NR1H4: variants seen among roughly 807,000 people sequenced by gnomAD.
NR1H4 encodes the protein nuclear receptor subfamily 1 group H member 4.
A neutral mutation model predicts 58.5 loss-of-function variants in NR1H4; 23 were observed. That is an observed-to-expected ratio of 0.39 (90% confidence interval 0.28 to 0.56). The LOEUF is 0.56. NR1H4 is among the 20% of genes least tolerant of loss of function. The probability of loss-of-function intolerance (pLI) is 0.58; values close to 1 mark genes in which losing one functional copy is unlikely to be tolerated. For synonymous variants in NR1H4, 214 were observed against 198.0 expected (o/e 1.08, Z -0.68); for missense variants, 487 against 576.9 (o/e 0.84, Z 1.60).
chr12:100,545,395 T>C (rs1044065693), intron 9 of NR1H4, among the ~76,000 whole-genome samples: 1 of 151,892 alleles, frequency 6.6e-6, no homozygotes, highest in African/African-American at 2.4e-5. Context: ...ATCCCAGCAC[T>C]TTGGGAGGCC....
intron 3 of NR1H4, among the ~76,000 whole-genome samples, chr12:100,502,865 A>C (rs185073785): frequency 6.6e-6 from 1 of 152,144 alleles, no homozygotes; most frequent in African/African-American, 2.4e-5. Context: ...AAACCATCAG[A>C]TCTTGTGAGA....
At chr12:100,560,835 G>A (rs1394355221) in intron 9 of NR1H4, among the ~76,000 whole-genome samples, 1 of 152,174 alleles carries the variant, frequency 6.6e-6, no homozygotes, top group Non-Finnish European at 1.5e-5. Context: ...ATAAAGAGGA[G>A]AGGGAGCACC....
At chr12:100,551,009 T>C (rs1955191555) in intron 9 of NR1H4, among the ~76,000 whole-genome samples, 1 of 152,172 alleles carries the variant, frequency 6.6e-6, no homozygotes, top group South Asian at 2.1e-4. Flanking sequence ...ATACAGCTAA[T>C]CAAAAGAGTG....
At chr12:100,502,982 A>T (rs1378440581) in intron 3 of NR1H4, among the ~76,000 whole-genome samples, 1 of 152,226 alleles carries the variant, frequency 6.6e-6, no homozygotes, top group African/African-American at 2.4e-5. Flanking sequence ...GCTACAATTC[A>T]AGATGAGATT....
At chr12:100,537,652 T>C (rs1954843804) in intron 8 of NR1H4, among the ~76,000 whole-genome samples, 1 of 152,204 alleles carries the variant, frequency 6.6e-6, no homozygotes, top group Non-Finnish European at 1.5e-5. Flanking sequence ...GAAAAAGAAG[T>C]TTTCCAGTTG....
intron 1 of NR1H4, among the ~76,000 whole-genome samples, chr12:100,484,473 AT>A (rs1953448603): frequency 6.6e-6 from 1 of 152,204 alleles, no homozygotes; most frequent in Non-Finnish European, 1.5e-5. Context: ...AGTGCATACC[AT>A]TTCTGAAATA....
intron 4 of NR1H4, among the ~76,000 whole-genome samples, chr12:100,513,416 A>T (rs1202094544): frequency 6.6e-6 from 1 of 152,224 alleles, no homozygotes; most frequent in Non-Finnish European, 1.5e-5. Context: ...TTGAGCTGGC[A>T]GAGCTGTGGA....
intron 9 of NR1H4, among the ~76,000 whole-genome samples, chr12:100,549,180 T>C (rs1189626264): frequency 6.6e-6 from 1 of 151,920 alleles, no homozygotes; most frequent in African/African-American, 2.4e-5. Flanking sequence ...CTACTAAAAA[T>C]ACAAAAAATT....
At chr12:100,560,480 A>G (rs1309537705) in intron 9 of NR1H4, among the ~76,000 whole-genome samples, 1 of 152,124 alleles carries the variant, frequency 6.6e-6, no homozygotes, top group Non-Finnish European at 1.5e-5. Flanking sequence ...ACAACTCCAG[A>G]CGTGCTGCCT....
rs775019857 is a variant in NR1H4 at position 100,540,735 on chromosome 12, T to C, written c.995T>C (p.Met332Thr). ...CTGAAAGGGTCTGCGGTTGAAGCTATGTTCCTTCGTTCAGCTGAGATTTTC... is the reference window on the plus strand; with the variant it reads ...CTGAAAGGGTCTGCGGTTGAAGCTACGTTCCTTCGTTCAGCTGAGATTTTC... ...ALLKGSAVEA[M>T]FLRSAEIFNK... Residue 332 changes from methionine (M) to threonine (T), a missense_variant, in exon 9 of 11, where the codon ATG (methionine) becomes ACG (threonine). Physicochemically the swap from Met to Thr is moderately conservative, Grantham distance 81. Transcript: ENST00000392986. 1.9e-6 allele frequency: 3 copies of C among 1,614,190 alleles called. No individual in the cohort carries two copies. Among genetic ancestry groups the C allele is most frequent in the Non-Finnish European group, 2.5e-6 (3 of 1,180,008 alleles).
chr12:100,564,354 C>G lies in NR1H4; in HGVS notation c.*865C>G, dbSNP rs1196351778. 2 of 152,206 alleles carry G rather than the reference C, an allele frequency of 1.3e-5. No individual in the cohort carries two copies. Among genetic ancestry groups the G allele is most frequent in the Non-Finnish European group, 2.9e-5 (2 of 68,046 alleles). The allele number at this position is 152,206 out of a possible 1,614,324, so 9.4% of individuals were successfully genotyped here. On this transcript the variant is annotated 3_prime_UTR_variant, in exon 11 of 11. Coordinates refer to ENST00000392986, the MANE Select transcript of NR1H4 (RefSeq NM_001206979.2). ...TTCATTTCCTTCCTTCATTGTTACA[C>G]TGTTGCATTCTTCTCCCTATTATCC...
Position 100,493,383 on chromosome 12 carries a change from T to C in NR1H4, c.60T>C (p.Ser20=). The C allele has an allele frequency of 6.5e-7, 1 of 1,544,720 alleles. No homozygotes were observed. The highest frequency in any genetic ancestry group is 8.9e-7 in the Non-Finnish European group (1 of 1,123,534). The change falls in exon 3 of 11, where the codon TCT becomes TCC. Residue 20 remains serine (S), a synonymous_variant. Transcript: ENST00000392986. ...ATTTACCTACCACAGATGAATTTTC[T>C]TTTTCTGAAAATTTATTTGGTAAGT... ...HSHLPTTDEF[S]FSENLFGVLT...
intron 3 of NR1H4, among the ~76,000 whole-genome samples, 181 bp downstream of exon 3, chr12:100,493,583 G>A (rs547391404): frequency 6.6e-6 from 1 of 152,270 alleles, no homozygotes; most frequent in South Asian, 2.1e-4. Context: ...GGATTCATGG[G>A]ACTTAATGGT....
At chr12:100,537,545 A>G (rs1954841150) in intron 8 of NR1H4, among the ~76,000 whole-genome samples, 1 of 152,202 alleles carries the variant, frequency 6.6e-6, no homozygotes, top group Non-Finnish European at 1.5e-5. Context: ...ACACATACAC[A>G]CGAAGTGCTG....
chr12:100,499,625 G>A (rs557870385), intron 3 of NR1H4, among the ~76,000 whole-genome samples: 1 of 152,122 alleles, frequency 6.6e-6, no homozygotes, highest in Non-Finnish European at 1.5e-5. Context: ...TTGGCCAGCT[G>A]GTAGGCGATT....
chr12:100,525,952 G>A (rs899120621), intron 4 of NR1H4, among the ~76,000 whole-genome samples: 1 of 152,066 alleles, frequency 6.6e-6, no homozygotes, highest in African/African-American at 2.4e-5. Flanking sequence ...ATGTCCATGG[G>A]ATTAGTAACG....
At chr12:100,486,436 C>T (rs1953493896) in intron 1 of NR1H4, among the ~76,000 whole-genome samples, 2 of 152,084 alleles carry the variant, frequency 1.3e-5, no homozygotes, top group African/African-American at 4.8e-5. Context: ...AATCAACAAA[C>T]TGGAACATAT....
Position 100,555,503 on chromosome 12 carries a change from A to AC in NR1H4, c.1079-6381dup, listed in dbSNP as rs536114537. On this transcript the variant is annotated intron_variant, in intron 9 of 10. Coordinates refer to ENST00000392986, the MANE Select transcript of NR1H4 (RefSeq NM_001206979.2). ...TGGCTTTGTAAAGACAAAAGTTCAC[A>AC]CGTTTAATCTAAGACTTAAGATGAA... Among the ~76,000 whole-genome samples the AC allele has an allele frequency of 1.3e-3, 195 of 152,336 alleles. 1 individual carries two copies. Among genetic ancestry groups the AC allele is most frequent in the Non-Finnish European group, 2.1e-3 (143 of 68,022 alleles).
At chr12:100,526,743 T>A (rs17775285) in intron 4 of NR1H4, among the ~76,000 whole-genome samples, 6,071 of 152,252 alleles carry the variant, frequency 0.04, 156 homozygotes, top group Middle Eastern at 0.061. Context: ...GATCTGTCAC[T>A]CCTCTAGAAG....
Sources: gnomAD v4.1 joint callset for allele counts (sites outside exome capture counted in the v4.1 genomes callset) on GRCh38, gnomAD v4.1.1 for gene constraint, MANE v1.5 for transcripts, NCBI Gene and HGNC (gene_info 2026-07-23, HGNC 2026-07-21) for gene names.